SLC35F1: variants seen among roughly 807,000 people sequenced by gnomAD.
The protein encoded by SLC35F1 is chromosome 6 open reading frame 169.
In SLC35F1, 14 loss-of-function variants were observed where a neutral mutation model predicts 48.7. The observed-to-expected ratio is 0.29, with a 90% confidence interval of 0.19 to 0.45. The LOEUF is 0.45. Among genes scored for constraint, SLC35F1 ranks in the 20% least tolerant of loss-of-function variants. The pLI is 1.00. For missense variants in SLC35F1, 404 were observed against 500.0 expected (o/e 0.81, Z 1.83); for synonymous variants, 190 against 202.2 (o/e 0.94, Z 0.51).
intron 1 of SLC35F1, among the ~76,000 whole-genome samples, chr6:117,921,910 A>G (rs1775904483): frequency 6.6e-6 from 1 of 152,216 alleles, no homozygotes; most frequent in African/African-American, 2.4e-5. Context: ...GGTAGAATAA[A>G]CTGGTGTACT....
intron 1 of SLC35F1, among the ~76,000 whole-genome samples, chr6:118,009,465 C>G (rs1288677089): frequency 1.3e-5 from 2 of 152,138 alleles, no homozygotes; most frequent in African/African-American, 4.8e-5. Flanking sequence ...CTAAGGAAAT[C>G]TAAGTAGAAC....
At chr6:118,103,559 C>T (rs1471195021) in intron 1 of SLC35F1, among the ~76,000 whole-genome samples, 2 of 152,230 alleles carry the variant, frequency 1.3e-5, no homozygotes, top group African/African-American at 2.4e-5. Context: ...GGGCACATTC[C>T]ATCCACTTGC....
At position 117,907,634 on chromosome 6, in the gene SLC35F1, C is replaced by G. The variant is rs527903427; in HGVS notation, c.-93C>G. On this transcript the variant is annotated 5_prime_UTR_variant, in exon 1 of 8. Coordinates refer to ENST00000360388, the MANE Select transcript of SLC35F1 (RefSeq NM_001029858.4). Reference sequence around the variant, plus strand: ...CACCGCCTCCCGGGCCGCGGCCGCCCGGCCGGGTCCTCTGCGCGTTCCCGG... The same window carrying G: ...CACCGCCTCCCGGGCCGCGGCCGCCGGGCCGGGTCCTCTGCGCGTTCCCGG... 393 of 704,974 alleles carry G rather than the reference C, an allele frequency of 5.6e-4. 3 individuals carry two copies. The East Asian group carries it at 0.013, about 24-fold the overall frequency. 43.7% of individuals were successfully genotyped at this position (704,974 alleles called of 1,614,324 possible). A position where few individuals can be genotyped will look rare whatever the true frequency, so the allele number is the denominator to read the frequency against.
chr6:118,256,541 A>G (rs1039698179), intron 3 of SLC35F1, among the ~76,000 whole-genome samples: 1 of 152,136 alleles, frequency 6.6e-6, no homozygotes, highest in African/African-American at 2.4e-5. Context: ...GGCACAGACC[A>G]TTAGAAAGAG....
At chr6:118,295,563 G>A (rs1776173908) in intron 7 of SLC35F1, among the ~76,000 whole-genome samples, 1 of 152,164 alleles carries the variant, frequency 6.6e-6, no homozygotes, top group Non-Finnish European at 1.5e-5. Context: ...GTGTCAGTGA[G>A]CAATCTCAGT....
chr6:117,967,704 T>G (rs112627311), intron 1 of SLC35F1, among the ~76,000 whole-genome samples: 6 of 152,334 alleles, frequency 3.9e-5, no homozygotes, highest in African/African-American at 9.6e-5. Flanking sequence ...AACAATCTTA[T>G]GCAATGAGTG....
chr6:118,117,228 T>A (rs1773487220), intron 1 of SLC35F1, among the ~76,000 whole-genome samples: 2 of 152,208 alleles, frequency 1.3e-5, no homozygotes, highest in African/African-American at 4.8e-5. Context: ...GGATTTTAAA[T>A]ATTGTCAACC....
chr6:118,029,536 A>T (rs1772009395), intron 1 of SLC35F1, among the ~76,000 whole-genome samples: 1 of 152,140 alleles, frequency 6.6e-6, no homozygotes, highest in Non-Finnish European at 1.5e-5. Flanking sequence ...TACAGGAAAA[A>T]TCATAGTATA....
chr6:118,232,990 G>C (rs972352713), intron 2 of SLC35F1, among the ~76,000 whole-genome samples: 1 of 149,958 alleles, frequency 6.7e-6, no homozygotes, highest in African/African-American at 2.5e-5. Context: ...TTTTTTAGAC[G>C]AAGTCTCACT....
intron 1 of SLC35F1, among the ~76,000 whole-genome samples, chr6:118,068,292 A>G (rs1458142286): frequency 1.3e-5 from 2 of 152,170 alleles, no homozygotes; most frequent in African/African-American, 4.8e-5. Flanking sequence ...AATTCAGTCA[A>G]GCTGGCACCT....
intron 1 of SLC35F1, among the ~76,000 whole-genome samples, chr6:118,030,610 T>A (rs1772031392): frequency 6.6e-6 from 1 of 151,968 alleles, no homozygotes; most frequent in African/African-American, 2.4e-5. Flanking sequence ...AGTGTAAAGA[T>A]CTTTGGGGGT....
chr6:118,268,584 G>GTGTA (rs1554242737), intron 4 of SLC35F1, among the ~76,000 whole-genome samples: 10 of 67,266 alleles, frequency 1.5e-4, no homozygotes, highest in South Asian at 9.4e-4. Context: ...TCATATATAT[G>GTGTA]TATATATATA....
intron 1 of SLC35F1, among the ~76,000 whole-genome samples, chr6:118,032,289 G>A (rs538347502): frequency 3.3e-5 from 5 of 152,214 alleles, no homozygotes; most frequent in South Asian, 2.1e-4. Flanking sequence ...TGGAAGGCAC[G>A]AGAACAGGGT....
intron 2 of SLC35F1, among the ~76,000 whole-genome samples, chr6:118,181,940 C>T (rs1017676678): frequency 4.6e-5 from 7 of 152,010 alleles, no homozygotes; most frequent in African/African-American, 1.7e-4. Flanking sequence ...TAAAAACTGT[C>T]CTAGCAAAGT....
chr6:117,909,188 T>C lies in SLC35F1; in HGVS notation c.173+1289T>C, dbSNP rs566090823. On this transcript the variant is annotated intron_variant, in intron 1 of 7. Coordinates refer to ENST00000360388, the MANE Select transcript of SLC35F1 (RefSeq NM_001029858.4). ...TGGTAATAGAACTAAGTCTTTGATT[T>C]GTAGCTGAGAATACCACCTTCCAAA... Among the ~76,000 whole-genome samples the C allele has an allele frequency of 3.9e-5, 6 of 152,292 alleles. No homozygotes were observed. The South Asian group carries it at 1.2e-3, about 32-fold the overall frequency.
chr6:117,927,171 T>C (rs1349331747), intron 1 of SLC35F1, among the ~76,000 whole-genome samples: 1 of 152,194 alleles, frequency 6.6e-6, no homozygotes, highest in East Asian at 1.9e-4. Flanking sequence ...CTTGGCACCA[T>C]GCCTGAAACA....
At chr6:118,043,849 T>TG (rs1329733859) in intron 1 of SLC35F1, among the ~76,000 whole-genome samples, 2 of 152,232 alleles carry the variant, frequency 1.3e-5, no homozygotes, top group Non-Finnish European at 2.9e-5. Context: ...GTAAATAAAT[T>TG]GTTTTTCTCT....
intron 1 of SLC35F1, among the ~76,000 whole-genome samples, chr6:117,919,187 C>T (rs1464242590): frequency 6.6e-6 from 1 of 152,198 alleles, no homozygotes; most frequent in Non-Finnish European, 1.5e-5. Flanking sequence ...TGAGCCATCA[C>T]ACCTGGTGAT....
At chr6:118,292,241 G>T (rs1370871177) in intron 7 of SLC35F1, among the ~76,000 whole-genome samples, 2 of 152,212 alleles carry the variant, frequency 1.3e-5, no homozygotes, top group Non-Finnish European at 2.9e-5. Flanking sequence ...GGTGTAGCCA[G>T]GGTTAGACCC....
Sources: allele counts gnomAD v4.1 joint callset (sites outside exome capture counted in the v4.1 genomes callset), GRCh38; gene constraint gnomAD v4.1.1; transcripts MANE v1.5; gene names NCBI Gene and HGNC (gene_info 2026-07-23, HGNC 2026-07-21).